The following SYNE2 variants were observed in gnomAD, a reference collection of about 807,000 sequenced individuals.
SYNE2 encodes spectrin repeat containing nuclear envelope protein 2.
SYNE2 carries 431 observed loss-of-function variants against 856.3 expected under a neutral mutation model. The ratio of observed to expected loss-of-function variants is 0.50; its 90% CI spans 0.47 to 0.55. The LOEUF (loss-of-function observed/expected upper bound fraction) is 0.55. Among genes scored for constraint, SYNE2 ranks in the 20% least tolerant of loss-of-function variants. SYNE2 has a pLI of 0.00. For missense variants in SYNE2, 8,129 were observed against 8,023.2 expected (o/e 1.01, Z -0.50); for synonymous variants, 2,923 against 2,872.3 (o/e 1.02, Z -0.56).
At chr14:64,216,218 TAG>T (rs767292393) in intron 107 of SYNE2, 28 bp from the exon 108 acceptor site, 2 of 1,613,706 alleles carry the variant, frequency 1.2e-6, no homozygotes, top group East Asian at 4.5e-5. Context: ...TAGGAGAGAA[TAG>T]ACTGTCGCTT....
chr14:64,199,790 C>T (rs1317603583), intron 99 of SYNE2, among the ~76,000 whole-genome samples: 1 of 151,074 alleles, frequency 6.6e-6, no homozygotes, highest in East Asian at 1.9e-4. Context: ...TGGCCATCAG[C>T]GTGGGATATA....
intron 102 of SYNE2, 153 bp downstream of exon 102, chr14:64,209,731 T>C (rs994182032): frequency 4.0e-6 from 5 of 1,234,824 alleles, no homozygotes; most frequent in Non-Finnish European, 5.7e-6. Flanking sequence ...CTGAGACAGC[T>C]TTGCAAGACA....
chr14:63,819,177 G>C (rs1889120712), intron 1 of SYNE2, among the ~76,000 whole-genome samples: 1 of 151,870 alleles, frequency 6.6e-6, no homozygotes, highest in Non-Finnish European at 1.5e-5. Flanking sequence ...AAATAAATTT[G>C]GAAAGTCACC....
At chr14:63,895,528 G>A (rs1595493994) in intron 1 of SYNE2, among the ~76,000 whole-genome samples, 1 of 150,374 alleles carries the variant, frequency 6.7e-6, no homozygotes, top group Admixed American at 6.6e-5. Flanking sequence ...CAAAGTGCAT[G>A]GGTCACTTAA....
intron 99 of SYNE2, among the ~76,000 whole-genome samples, chr14:64,196,413 T>C: frequency 6.6e-6 from 1 of 152,144 alleles, no homozygotes; most frequent in Non-Finnish European, 1.5e-5. Context: ...CAAGGAAAAT[T>C]ACAGAATTTC....
intron 49 of SYNE2, among the ~76,000 whole-genome samples, chr14:64,061,067 A>C (rs1001129883): frequency 1.3e-5 from 2 of 152,062 alleles, no homozygotes; most frequent in Non-Finnish European, 1.5e-5. Context: ...CCTCTTTCAG[A>C]GATATGAACT....
intron 95 of SYNE2, 87 bp downstream of exon 95, chr14:64,175,225 A>C: frequency 2.7e-6 from 4 of 1,463,638 alleles, no homozygotes; most frequent in Non-Finnish European, 2.8e-6. Context: ...AAATGGTTTT[A>C]GGAAACTATA....
At chr14:63,895,092 A>G (rs541722868) in intron 1 of SYNE2, among the ~76,000 whole-genome samples, 1 of 149,292 alleles carries the variant, frequency 6.7e-6, no homozygotes, top group East Asian at 2.0e-4. Context: ...AAAGCACATA[A>G]ATTTCCATTT....
chr14:63,917,043 C>T (rs751480156), intron 2 of SYNE2, among the ~76,000 whole-genome samples: 3 of 152,044 alleles, frequency 2.0e-5, no homozygotes, highest in African/African-American at 4.8e-5. Context: ...AAGCTATGAT[C>T]GTACCACTGT....
intron 74 of SYNE2, among the ~76,000 whole-genome samples, chr14:64,128,961 T>C (rs924798450): frequency 6.6e-6 from 1 of 152,262 alleles, no homozygotes; most frequent in Non-Finnish European, 1.5e-5. Context: ...GTTCCAGCAC[T>C]GTTTGAAGTG....
chr14:64,138,936 G>GTGTGTGTGTGTGTGTGTGTA (rs1162982978), intron 79 of SYNE2, among the ~76,000 whole-genome samples: 1 of 142,804 alleles, frequency 7.0e-6, no homozygotes, highest in African/African-American at 2.9e-5. Flanking sequence ...GTGTGTGTGT[G>GTGTGTGTGTGTGTGTGTGTA]TGTATGTATG....
chr14:63,871,611 T>G, intron 1 of SYNE2, among the ~76,000 whole-genome samples: 1 of 152,102 alleles, frequency 6.6e-6, no homozygotes, highest in East Asian at 1.9e-4. Flanking sequence ...GTCATTTTTT[T>G]TTTTTTTAAT....
chr14:64,065,392 A>G, intron 50 of SYNE2, 40 bp from the exon 51 acceptor site: 1 of 1,569,560 alleles, frequency 6.4e-7, no homozygotes, highest in East Asian at 2.2e-5. Context: ...GAAAACCATA[A>G]TAGTATGTCC....
intron 46 of SYNE2, 124 bp downstream of exon 46, chr14:64,048,279 A>T: frequency 1.2e-6 from 1 of 848,128 alleles, no homozygotes; most frequent in East Asian, 2.7e-5. Context: ...TTGCCTGATG[A>T]TCAATTTGGT....
chr14:64,212,049 T>G lies in SYNE2; in HGVS notation c.18812T>G (p.Val6271Gly). ...GAGATGGACCTGCAGCTGACCAACG[T>G]GGAGCACTTCTCAGAGAGTGACGCC... is the stretch of plus-strand genomic sequence containing the variant. ...LTEMDLQLTN[V>G]EHFSESDADD... Residue 6271 changes from valine (V) to glycine (G), a missense_variant, in exon 104 of 116, where the codon GTG (valine) becomes GGG (glycine). Coordinates refer to ENST00000555002, the MANE Select transcript of SYNE2 (RefSeq NM_182914.3). The G allele has an allele frequency of 6.2e-7, 1 of 1,614,180 alleles. No homozygotes were observed. Among genetic ancestry groups the G allele is most frequent in the Non-Finnish European group, 8.5e-7 (1 of 1,180,026 alleles).
chr14:64,048,139 A>T lies in SYNE2; in HGVS notation c.7361A>T (p.Gln2454Leu). ...TTAGATACTATGTTAAGAAATGAAC[A>T]ATTAGAAGAGATAGAGGTATGGAAA... ...LELDTMLRNE[Q>L]LEEIEKLYTQ... Residue 2454 changes from glutamine (Q) to leucine (L), a missense_variant, in exon 46 of 116, where the codon CAA (glutamine) becomes CTA (leucine). Transcript: ENST00000555002. 6.2e-7 allele frequency: 1 copy of T among 1,613,394 alleles called. No individual in the cohort carries two copies. Among genetic ancestry groups the T allele is most frequent in the Non-Finnish European group, 8.5e-7 (1 of 1,179,600 alleles).
chr14:64,024,921 T>G lies in SYNE2; in HGVS notation c.5850T>G (p.Asp1950Glu), dbSNP rs1179510125. 6.2e-7 allele frequency: 1 copy of G among 1,613,834 alleles called. No homozygotes were observed. Among genetic ancestry groups the G allele is most frequent in the Non-Finnish European group, 8.5e-7 (1 of 1,179,910 alleles). The change falls in exon 40 of 116, where the codon GAT becomes GAG. Residue 1950 changes from aspartate (D) to glutamate (E), a missense_variant. By Grantham distance (45) the Asp-to-Glu change is conservative (BLOSUM62 2). Transcript: ENST00000555002. ...TGTAATGCTCTTTTAGACTCCAGGA[T>G]GACCATAGAAACCTGAGGAAGTGGT... ...DSLQQLLRLQDDHRNLRKWLT... is the reference protein window; with the variant it reads ...DSLQQLLRLQEDHRNLRKWLT...
chr14:63,995,730 C>CATCTATCTATCTATCTATCTATCT (rs373410347), intron 23 of SYNE2, among the ~76,000 whole-genome samples: 28 of 113,528 alleles, frequency 2.5e-4, no homozygotes, highest in Admixed American at 6.4e-4. Context: ...TATATCTATC[C>CATCTATCTATCTATCTATCTATCT]ATCTATCTAT....
At chr14:63,776,185 T>C (rs1473440428) in intron 1 of SYNE2, among the ~76,000 whole-genome samples, 1 of 152,210 alleles carries the variant, frequency 6.6e-6, no homozygotes, top group South Asian at 2.1e-4. Flanking sequence ...GTCTGAAACT[T>C]GCAACAATCA....
Sources: allele counts gnomAD v4.1 joint callset (sites outside exome capture counted in the v4.1 genomes callset), GRCh38; gene constraint gnomAD v4.1.1; transcripts MANE v1.5; gene names NCBI Gene and HGNC (gene_info 2026-07-23, HGNC 2026-07-21).